Variants in ZSWIM6 observed in about 807,000 individuals in gnomAD.
ZSWIM6 encodes zinc finger SWIM domain-containing protein 6.
In ZSWIM6, 9 loss-of-function variants were observed where a neutral mutation model predicts 113.2. That is an observed-to-expected ratio of 0.08 (90% CI 0.05 to 0.14). The LOEUF is 0.14. Among genes scored for constraint, ZSWIM6 ranks in the 10% least tolerant of loss-of-function variants. The pLI, the probability that ZSWIM6 is intolerant of heterozygous loss-of-function variation, is 1.00. For synonymous variants in ZSWIM6, 611 were observed against 606.5 expected (o/e 1.01, Z -0.11); for missense variants, 1,162 against 1,552.2 (o/e 0.75, Z 4.22).
At chr5:61,486,260 A>C (rs1580027670) in intron 2 of ZSWIM6, among the ~76,000 whole-genome samples, 1 of 152,080 alleles carries the variant, frequency 6.6e-6, no homozygotes, top group East Asian at 1.9e-4. Flanking sequence ...GTCTTGTTCC[A>C]TCTATGGTGC....
intron 1 of ZSWIM6, among the ~76,000 whole-genome samples, chr5:61,369,843 A>G (rs933099859): frequency 3.9e-5 from 6 of 152,182 alleles, no homozygotes; most frequent in Non-Finnish European, 2.9e-5. Flanking sequence ...TTTTTTATCT[A>G]ATGATGTTAG....
intron 4 of ZSWIM6, among the ~76,000 whole-genome samples, chr5:61,496,764 T>C (rs1305381595): frequency 6.6e-6 from 1 of 152,174 alleles, no homozygotes; most frequent in Non-Finnish European, 1.5e-5. Flanking sequence ...ACAGATCATT[T>C]AAATATGGGG....
At position 61,493,332 on chromosome 5, in the gene ZSWIM6, A is replaced by G. The variant is rs948993119; in HGVS notation, c.1183-928A>G. 3.3e-5 allele frequency among the ~76,000 whole-genome samples: 5 copies of G among 152,142 alleles called. No homozygotes were observed. In the East Asian group the frequency reaches 9.6e-4, roughly 29 times the overall value. On this transcript the variant is annotated intron_variant, in intron 3 of 13. Transcript: ENST00000252744. ...TTAAGTGAGAGAGAACCTTTATGCA[A>G]TTACTAATTTATCTCAAAAATTGAA...
chr5:61,424,002 T>C (rs1746409562), intron 1 of ZSWIM6, among the ~76,000 whole-genome samples: 1 of 152,164 alleles, frequency 6.6e-6, no homozygotes, highest in South Asian at 2.1e-4. Flanking sequence ...TGCCAGCAAT[T>C]TGTGCCTTGA....
At chr5:61,473,170 T>A (rs1747615858) in intron 2 of ZSWIM6, 133 bp downstream of exon 2, 1 of 562,006 alleles carries the variant, frequency 1.8e-6, no homozygotes, top group African/African-American at 1.9e-5. Context: ...CAAAAGAGAT[T>A]TTTACATTTG....
chr5:61,417,348 CG>C (rs1474938163), intron 1 of ZSWIM6, among the ~76,000 whole-genome samples: 1 of 152,100 alleles, frequency 6.6e-6, no homozygotes, highest in African/African-American at 2.4e-5. Context: ...ATCACTCAAG[CG>C]TGCCAACTAA....
At chr5:61,357,477 T>C (rs188847438) in intron 1 of ZSWIM6, among the ~76,000 whole-genome samples, 1 of 151,792 alleles carries the variant, frequency 6.6e-6, no homozygotes, top group African/African-American at 2.4e-5. Flanking sequence ...AAAGAAGAGA[T>C]GGAAGGAGTG....
At chr5:61,461,281 C>T (rs998883887) in intron 1 of ZSWIM6, among the ~76,000 whole-genome samples, 1 of 152,162 alleles carries the variant, frequency 6.6e-6, no homozygotes, top group Non-Finnish European at 1.5e-5. Context: ...ACTACCACCC[C>T]ATATCTTGTC....
At chr5:61,471,674 T>C (rs897221412) in intron 1 of ZSWIM6, among the ~76,000 whole-genome samples, 2 of 152,192 alleles carry the variant, frequency 1.3e-5, no homozygotes, top group African/African-American at 4.8e-5. Context: ...ATTGTGCATG[T>C]GAGGGATCTA....
rs1195524592 is a variant in ZSWIM6 at position 61,545,302 on chromosome 5, C to T, written c.*985C>T. On this transcript the variant is annotated 3_prime_UTR_variant, in exon 14 of 14. Transcript: ENST00000252744. ...ACACACAGACACACACACACACCACCAACAACCACCACTACACCACACATG... is the reference window on the plus strand; with the variant it reads ...ACACACAGACACACACACACACCACTAACAACCACCACTACACCACACATG... 2 of 151,690 alleles carry T rather than the reference C, an allele frequency of 1.3e-5. No individual in the cohort carries two copies. Among genetic ancestry groups the T allele is most frequent in the African/African-American group, 4.8e-5 (2 of 41,264 alleles). 9.4% of individuals were successfully genotyped at this position (151,690 alleles called of 1,614,324 possible).
intron 1 of ZSWIM6, among the ~76,000 whole-genome samples, chr5:61,453,738 A>G (rs1747138406): frequency 6.6e-6 from 1 of 151,400 alleles, no homozygotes; most frequent in Admixed American, 6.6e-5. Flanking sequence ...AATTATTATT[A>G]GAAGGGAGTC....
chr5:61,356,381 T>A (rs1380473216), intron 1 of ZSWIM6, among the ~76,000 whole-genome samples: 1 of 152,156 alleles, frequency 6.6e-6, no homozygotes, highest in Admixed American at 6.6e-5. Flanking sequence ...CTTCATTGGC[T>A]GAGTTATTTA....
chr5:61,360,364 T>C (rs1303630619), intron 1 of ZSWIM6, among the ~76,000 whole-genome samples: 1 of 152,228 alleles, frequency 6.6e-6, no homozygotes, highest in African/African-American at 2.4e-5. Flanking sequence ...CCCCTTGTAA[T>C]GCGGAGAAGA....
At chr5:61,508,991 C>G (rs1748703734) in intron 4 of ZSWIM6, among the ~76,000 whole-genome samples, 1 of 152,010 alleles carries the variant, frequency 6.6e-6, no homozygotes, top group African/African-American at 2.4e-5. Flanking sequence ...TTAACAAGAA[C>G]AGTGGTTATA....
chr5:61,344,329 TTTCTC>T (rs2112030709), intron 1 of ZSWIM6, among the ~76,000 whole-genome samples: 1 of 152,342 alleles, frequency 6.6e-6, no homozygotes, highest in Non-Finnish European at 1.5e-5. Context: ...GGTTTATACT[TTTCTC>T]TAGACAGTGG....
intron 1 of ZSWIM6, among the ~76,000 whole-genome samples, chr5:61,455,823 C>G (rs1346111282): frequency 1.4e-5 from 2 of 141,800 alleles, no homozygotes; most frequent in African/African-American, 5.4e-5. Context: ...CTTCTCTCCC[C>G]CCGCCCCCGC....
chr5:61,412,686 G>T (rs533054775), intron 1 of ZSWIM6, among the ~76,000 whole-genome samples: 4 of 152,298 alleles, frequency 2.6e-5, no homozygotes, highest in Non-Finnish European at 4.4e-5. Context: ...CTCTGTATTG[G>T]TTCCTAAGAA....
intron 1 of ZSWIM6, among the ~76,000 whole-genome samples, chr5:61,343,976 C>T (rs1744601290): frequency 6.6e-6 from 1 of 151,272 alleles, no homozygotes; most frequent in Non-Finnish European, 1.5e-5. Flanking sequence ...AGTCTCCAAT[C>T]TCCACTTCCT....
In ZSWIM6 at chr5:61,370,809, A is replaced by G. The variant is rs568725302; in HGVS notation, c.676+37861A>G. Among the ~76,000 whole-genome samples, 21 of 150,736 alleles carry G rather than the reference A, an allele frequency of 1.4e-4. No homozygotes were observed. The South Asian group carries it at 2.5e-3, about 18-fold the overall frequency. On this transcript the variant is annotated intron_variant, in intron 1 of 13. Transcript: ENST00000252744. ...CAATGGATATTAGCATAGTTTTACA[A>G]TTTTTTTTTTGCCAATTAACAGCAA...
Sources: allele counts gnomAD v4.1 joint callset (sites outside exome capture counted in the v4.1 genomes callset), GRCh38; gene constraint gnomAD v4.1.1; transcripts MANE v1.5; gene names NCBI Gene and HGNC (gene_info 2026-07-23, HGNC 2026-07-21).